Variants in RFTN2 observed in about 807,000 individuals in gnomAD.
RFTN2 encodes the protein raftlin-2.
Under a neutral mutation model 52.7 loss-of-function variants are expected in RFTN2, and 34 were observed. The observed-to-expected ratio is 0.64, with a 90% CI of 0.49 to 0.86. The LOEUF is 0.86. Ranked by LOEUF, RFTN2 falls within the 40% of genes least tolerant of loss-of-function variation. RFTN2 has a pLI of 0.00. For missense variants in RFTN2, 536 were observed against 600.1 expected (o/e 0.89, Z 1.12); for synonymous variants, 203 against 217.7 (o/e 0.93, Z 0.59).
At position 197,614,359 on chromosome 2, in the gene RFTN2, G is replaced by A. The variant is rs752124080; in HGVS notation, c.1154+1517C>T. On this transcript the variant is annotated intron_variant, in intron 7 of 8. Coordinates refer to ENST00000295049, the MANE Select transcript of RFTN2 (RefSeq NM_144629.3). ...GCTGGAGATGGTTGGAGAGGAGATC[G>A]GCTGCTGGACGGTCAAACTCCGGAA... Among the ~76,000 whole-genome samples, 21 of 152,142 alleles carry A rather than the reference G, an allele frequency of 1.4e-4. No individual in the cohort carries two copies. In the East Asian group the frequency reaches 1.5e-3, roughly 11 times the overall value.
At chr2:197,588,009 G>C (rs1011821408) in intron 8 of RFTN2, 20 of 470,260 alleles carry the variant, frequency 4.3e-5, no homozygotes, top group Non-Finnish European at 8.4e-5. Flanking sequence ...TTTTCACACT[G>C]TCTTACCCAC....
intron 7 of RFTN2, among the ~76,000 whole-genome samples, chr2:197,606,901 C>A (rs1435281075): frequency 2.0e-5 from 3 of 152,100 alleles, no homozygotes; most frequent in African/African-American, 7.2e-5. Context: ...ACTAGTTCAG[C>A]CATTGTGGAA....
chr2:197,649,846 A>G lies in RFTN2; in HGVS notation c.140-3180T>C, dbSNP rs189871228. On this transcript the variant is annotated intron_variant, in intron 1 of 8. Coordinates refer to ENST00000295049, the MANE Select transcript of RFTN2 (RefSeq NM_144629.3). ...ACCTACGAAGTTCAAAGAGGCACTT[A>G]AGTTGCTACTACATATAGATTATTT... is the stretch of plus-strand genomic sequence containing the variant. Among the ~76,000 whole-genome samples, 4 of 152,352 alleles carry G rather than the reference A, an allele frequency of 2.6e-5. No individual in the cohort carries two copies. In the East Asian group the frequency reaches 7.7e-4, roughly 29 times the overall value.
chr2:197,643,556 T>C (rs2088704099), intron 3 of RFTN2, among the ~76,000 whole-genome samples: 1 of 152,220 alleles, frequency 6.6e-6, no homozygotes, highest in African/African-American at 2.4e-5. Flanking sequence ...TTATATTTGC[T>C]GTCCATTGTC....
chr2:197,589,720 A>G (rs2087667973), intron 8 of RFTN2, among the ~76,000 whole-genome samples: 1 of 151,996 alleles, frequency 6.6e-6, no homozygotes, highest in Admixed American at 6.5e-5. Context: ...TTACTCTTCA[A>G]TTGTGAGAGT....
intron 5 of RFTN2, among the ~76,000 whole-genome samples, chr2:197,618,516 G>C (rs1397067716): frequency 4.6e-5 from 7 of 152,058 alleles, no homozygotes; most frequent in African/African-American, 1.7e-4. Context: ...ACCCCGTCTG[G>C]GAAGTGAGGA....
chr2:197,673,927 T>A (rs2089180133), intron 1 of RFTN2, among the ~76,000 whole-genome samples: 4 of 152,194 alleles, frequency 2.6e-5, no homozygotes. Context: ...GGAGAGTATG[T>A]GTCTGTCTCC....
rs55724429 is a variant in RFTN2, at chr2:197,621,401, GT to G, written c.929-3481del. On this transcript the variant is annotated intron_variant, in intron 5 of 8. Transcript: ENST00000295049. ...GCTTTACTGTGTTTTGCAGATACCG[GT>G]TTTTTTTTTTTTTTTTCAAATTGAA... 2.3e-3 allele frequency among the ~76,000 whole-genome samples: 287 copies of G among 122,566 alleles called. 1 individual carries two copies. The highest frequency in any genetic ancestry group is 9.5e-3 in the South Asian group (35 of 3,694). 80.4% of individuals were successfully genotyped at this position (122,566 alleles called of 152,430 possible). A position where few individuals can be genotyped will look rare whatever the true frequency, so the allele number is the denominator to read the frequency against.
At chr2:197,656,345 T>C (rs1307766842) in intron 1 of RFTN2, among the ~76,000 whole-genome samples, 3 of 152,232 alleles carry the variant, frequency 2.0e-5, no homozygotes, top group African/African-American at 7.2e-5. Context: ...TTTAAGAGCA[T>C]TAGGCTCTGG....
chr2:197,590,936 G>A (rs1368697381), intron 8 of RFTN2, among the ~76,000 whole-genome samples: 4 of 152,214 alleles, frequency 2.6e-5, no homozygotes, highest in Admixed American at 2.6e-4. Context: ...CCCCAAGTGG[G>A]GAAGACGAGC....
chr2:197,628,267 G>C lies in RFTN2; in HGVS notation c.928+2744C>G, dbSNP rs556316054. Among the ~76,000 whole-genome samples, 22 of 152,288 alleles carry C rather than the reference G, an allele frequency of 1.4e-4. No homozygotes were observed. In the South Asian group the frequency reaches 4.1e-3, roughly 29 times the overall value. ...CATAGACTGACGTGGCTTGTGAGGGGCTTGCCATAGCCTGCAATGTCAAAT... is the reference window on the plus strand; with the variant it reads ...CATAGACTGACGTGGCTTGTGAGGGCCTTGCCATAGCCTGCAATGTCAAAT... On this transcript the variant is annotated intron_variant, in intron 5 of 8. Transcript: ENST00000295049.
Position 197,571,889 on chromosome 2 carries a change from G to A in RFTN2, c.*119C>T, listed in dbSNP as rs1485238643. ...CAAAGTTTACATAGATTAGAGGAAA[G>A]GCTGGGTCTGGAAAAATTCAAAAAT... On this transcript the variant is annotated 3_prime_UTR_variant, in exon 9 of 9. Coordinates refer to ENST00000295049, the MANE Select transcript of RFTN2 (RefSeq NM_144629.3). 1 of 985,456 alleles carries A rather than the reference G, an allele frequency of 1.0e-6. No individual in the cohort carries two copies. The highest frequency in any genetic ancestry group is 1.5e-6 in the Non-Finnish European group (1 of 662,644). 61.0% of individuals were successfully genotyped at this position (985,456 alleles called of 1,614,324 possible). A position where few individuals can be genotyped will look rare whatever the true frequency, so the allele number is the denominator to read the frequency against.
intron 1 of RFTN2, among the ~76,000 whole-genome samples, chr2:197,661,192 C>G (rs1421120809): frequency 6.6e-6 from 1 of 151,662 alleles, no homozygotes; most frequent in Non-Finnish European, 1.5e-5. Context: ...TCCTCCAGCT[C>G]CATCCATGTT....
chr2:197,599,052 C>T (rs1408068068), intron 7 of RFTN2, among the ~76,000 whole-genome samples: 2 of 151,662 alleles, frequency 1.3e-5, no homozygotes, highest in African/African-American at 4.9e-5. Context: ...CCCGGGTTCA[C>T]GCCATTTTCC....
intron 8 of RFTN2, among the ~76,000 whole-genome samples, chr2:197,594,944 T>C (rs1482113087): frequency 6.6e-6 from 1 of 152,252 alleles, no homozygotes. Flanking sequence ...TTCAAATCTC[T>C]GCAGCTTTGC....
At chr2:197,576,064 G>A (rs754541945) in intron 8 of RFTN2, among the ~76,000 whole-genome samples, 13 of 151,380 alleles carry the variant, frequency 8.6e-5, no homozygotes, top group East Asian at 1.9e-4. Context: ...GCTGGAGTGC[G>A]GTGGTGCAAT....
At position 197,571,573 on chromosome 2, in the gene RFTN2, T is replaced by TGA. The variant is rs202088630; in HGVS notation, c.*433_*434dup. 2.9e-5 allele frequency: 4 copies of TGA among 138,906 alleles called. No individual in the cohort carries two copies. Among genetic ancestry groups the TGA allele is most frequent in the South Asian group, 4.3e-4 (2 of 4,618 alleles). The allele number at this position is 138,906 out of a possible 1,614,324, so 8.6% of individuals were successfully genotyped here. A position where few individuals can be genotyped will look rare whatever the true frequency, so the allele number is the denominator to read the frequency against. ...TGCACTAATTAGCTGTGTGTGTGTA[T>TGA]GAGAGAGAGAGAAAAAAAAAGAGAG... On this transcript the variant is annotated 3_prime_UTR_variant, in exon 9 of 9. Transcript: ENST00000295049.
intron 5 of RFTN2, among the ~76,000 whole-genome samples, chr2:197,626,461 G>A (rs1008955651): frequency 3.3e-5 from 5 of 151,734 alleles, no homozygotes; most frequent in African/African-American, 1.2e-4. Context: ...TTACTCGGGA[G>A]GCTGAGGTGG....
At chr2:197,627,699 T>C (rs1340244271) in intron 5 of RFTN2, among the ~76,000 whole-genome samples, 2 of 152,018 alleles carry the variant, frequency 1.3e-5, no homozygotes, top group African/African-American at 4.8e-5. Context: ...GGTGGGGCAT[T>C]TGGAGGCTGG....
Sources: allele counts gnomAD v4.1 joint callset (sites outside exome capture counted in the v4.1 genomes callset), GRCh38; gene constraint gnomAD v4.1.1; transcripts MANE v1.5; gene names NCBI Gene and HGNC (gene_info 2026-07-23, HGNC 2026-07-21).